FRMPD4: variants seen among roughly 807,000 people sequenced by gnomAD.
The protein encoded by FRMPD4 is FERM and PDZ domain-containing protein 4.
FRMPD4 carries 22 observed loss-of-function variants against 94.1 expected under a neutral mutation model. The ratio of observed to expected loss-of-function variants is 0.23; its 90% CI spans 0.17 to 0.33. The LOEUF (loss-of-function observed/expected upper bound fraction) is 0.33. Ranked by LOEUF, FRMPD4 falls within the 10% of genes least tolerant of loss-of-function variation. The pLI, the probability that FRMPD4 is intolerant of heterozygous loss-of-function variation, is 1.00. For missense variants in FRMPD4, 1,111 were observed against 1,339.9 expected (o/e 0.83, Z 2.67); for synonymous variants, 631 against 548.6 (o/e 1.15, Z -2.10).
chrX:12,015,839 G>C (rs1224540821), intron 3 of FRMPD4, among the ~76,000 whole-genome samples: 1 of 111,985 alleles, frequency 8.9e-6, no homozygotes, highest in Non-Finnish European at 1.9e-5. Flanking sequence ...TGAGGCAGCA[G>C]GCATGAGATG....
rs2147170448 is a variant in FRMPD4, at chrX:12,716,652, C to T, written c.2193C>T (p.Ile731=). 8.3e-7 allele frequency: 1 copy of T among 1,209,942 alleles called. No homozygotes were observed. Among genetic ancestry groups the T allele is most frequent in the Non-Finnish European group, 1.1e-6 (1 of 894,015 alleles). The change falls in exon 15 of 17, where the codon ATC becomes ATT. Residue 731 remains isoleucine, a synonymous_variant. Coordinates refer to ENST00000675598, the MANE Select transcript of FRMPD4 (RefSeq NM_001368397.1). Reference sequence around the variant, plus strand: ...AGAGCTTCCAGGCCGCGGAGGGGATCGAGGAACCCCTCTTGCATGACATCT... The same window carrying T: ...AGAGCTTCCAGGCCGCGGAGGGGATTGAGGAACCCCTCTTGCATGACATCT... ...DVKSFQAAEG[I]EEPLLHDICY...
chrX:12,193,752 C>CAGAAAGAAAGAAAGAAAGAA lies in FRMPD4; in HGVS notation c.41+54743_41+54762dup, dbSNP rs775933381. Among the ~76,000 whole-genome samples the CAGAAAGAAAGAAAGAAAGAA allele has an allele frequency of 3.0e-3, 50 of 16,491 alleles. 7 individuals are homozygous for CAGAAAGAAAGAAAGAAAGAA. The highest frequency in any genetic ancestry group is 0.014 in the African/African-American group (42 of 3,015). The allele number at this position is 16,491 out of a possible 115,157, so 14.3% of individuals were successfully genotyped here. ...AGGTCTGTGAATTATCCGAAAGAAA[C>CAGAAAGAAAGAAAGAAAGAA]AGAAAGAAAGAAAGAAAGAAAGGAA... On this transcript the variant is annotated intron_variant, in intron 1 of 16. Coordinates refer to ENST00000675598, the MANE Select transcript of FRMPD4 (RefSeq NM_001368397.1).
At chrX:12,388,274 ATCAAT>A (rs2056424963) in intron 1 of FRMPD4, among the ~76,000 whole-genome samples, 1 of 112,443 alleles carries the variant, frequency 8.9e-6, no homozygotes, top group Non-Finnish European at 1.9e-5. Context: ...GTTTTAAAAA[ATCAAT>A]TCAAATTTGT....
intron 3 of FRMPD4, among the ~76,000 whole-genome samples, chrX:12,025,768 A>T (rs984389502): frequency 2.7e-5 from 3 of 111,351 alleles, no homozygotes; most frequent in African/African-American, 9.8e-5. Context: ...AAAGGACTGG[A>T]CTCTGCCAAT....
At chrX:12,465,475 T>C (rs1319571576) in intron 1 of FRMPD4, among the ~76,000 whole-genome samples, 9 of 111,581 alleles carry the variant, frequency 8.1e-5, no homozygotes, top group Non-Finnish European at 1.3e-4. Flanking sequence ...CCAGATTTTC[T>C]TATACAACAG....
chrX:12,217,198 T>G (rs183702556), intron 1 of FRMPD4, among the ~76,000 whole-genome samples: 99 of 111,984 alleles, frequency 8.8e-4, no homozygotes, highest in African/African-American at 3.1e-3. Context: ...GCCACTGTCT[T>G]TCTTGGTTTT....
intron 4 of FRMPD4, among the ~76,000 whole-genome samples, chrX:12,630,655 C>A (rs1045342383): frequency 1.3e-4 from 15 of 111,918 alleles, no homozygotes; most frequent in African/African-American, 4.6e-4. Context: ...GTGATGGCTT[C>A]CATGACCCTT....
rs749209188 is a variant in FRMPD4 at position 12,641,341 on chromosome X, TAG to T, written c.422+26463_422+26464del. 3.0e-4 allele frequency among the ~76,000 whole-genome samples: 33 copies of T among 111,221 alleles called. No individual in the cohort carries two copies. The East Asian group carries it at 8.8e-3, about 30-fold the overall frequency. ...AGTTGTCCTATCAGAGGCAGAGGGA[TAG>T]AGTGTTTATAGTCGCCAGTTAAGAA... On this transcript the variant is annotated intron_variant, in intron 4 of 16. Transcript: ENST00000675598.
chrX:12,677,220 T>G (rs965803800), intron 5 of FRMPD4, among the ~76,000 whole-genome samples: 1 of 110,678 alleles, frequency 9.0e-6, no homozygotes, highest in Admixed American at 9.7e-5. Context: ...TCTCCAAACA[T>G]TACCAAATGT....
At chrX:12,176,371 C>T (rs1004544113) in intron 1 of FRMPD4, among the ~76,000 whole-genome samples, 1 of 111,652 alleles carries the variant, frequency 9.0e-6, no homozygotes, top group African/African-American at 3.3e-5. Flanking sequence ...CTGGCAATCA[C>T]AGAACATGTT....
chrX:11,847,401 T>C (rs1458976029), intron 1 of FRMPD4, among the ~76,000 whole-genome samples: 1 of 105,310 alleles, frequency 9.5e-6, no homozygotes, highest in Non-Finnish European at 1.9e-5. Flanking sequence ...GGAGAGGATG[T>C]GGAGAAATAG....
At chrX:12,213,270 G>T (rs969595082) in intron 1 of FRMPD4, among the ~76,000 whole-genome samples, 1 of 112,100 alleles carries the variant, frequency 8.9e-6, no homozygotes, top group South Asian at 3.7e-4. Context: ...TTGACACATA[G>T]TAGAGATTTA....
intron 3 of FRMPD4, among the ~76,000 whole-genome samples, chrX:12,015,465 G>A (rs1341736171): frequency 2.7e-5 from 3 of 110,960 alleles, no homozygotes; most frequent in Non-Finnish European, 5.7e-5. Flanking sequence ...TTCATTTTTC[G>A]ACTTACCAAA....
chrX:12,023,422 C>A (rs1167189804), intron 3 of FRMPD4, among the ~76,000 whole-genome samples: 4 of 111,803 alleles, frequency 3.6e-5, no homozygotes, highest in African/African-American at 1.3e-4. Context: ...GACATCTTAT[C>A]AATGAGTTTG....
intron 1 of FRMPD4, among the ~76,000 whole-genome samples, chrX:12,275,538 A>G (rs2054421959): frequency 9.1e-6 from 1 of 110,081 alleles, no homozygotes; most frequent in Admixed American, 9.8e-5. Flanking sequence ...GAAAGATAAC[A>G]TTTCCATGTG....
intron 3 of FRMPD4, among the ~76,000 whole-genome samples, chrX:11,943,598 G>A (rs1165160424): frequency 1.8e-5 from 2 of 110,684 alleles, no homozygotes; most frequent in African/African-American, 6.6e-5. Flanking sequence ...CCACTCCCAA[G>A]ATAACTACAT....
At chrX:11,919,640 G>A (rs937107747) in intron 3 of FRMPD4, among the ~76,000 whole-genome samples, 2 of 111,209 alleles carry the variant, frequency 1.8e-5, no homozygotes, top group Non-Finnish European at 3.8e-5. Flanking sequence ...AAGTTTTTGG[G>A]AAAAAGGCTC....
chrX:12,699,228 G>A (rs2060163492), intron 9 of FRMPD4, among the ~76,000 whole-genome samples: 1 of 111,640 alleles, frequency 9.0e-6, no homozygotes, highest in African/African-American at 3.3e-5. Flanking sequence ...GGAAATAACT[G>A]GTAAACCCAA....
At chrX:12,210,560 A>G (rs374368547) in intron 1 of FRMPD4, among the ~76,000 whole-genome samples, 22 of 111,659 alleles carry the variant, frequency 2.0e-4, no homozygotes, top group Admixed American at 8.6e-4. Flanking sequence ...CCAGACAGAA[A>G]GGATGAACAA....
Sources: gnomAD v4.1 joint callset for allele counts (sites outside exome capture counted in the v4.1 genomes callset) on GRCh38, gnomAD v4.1.1 for gene constraint, MANE v1.5 for transcripts, NCBI Gene and HGNC (gene_info 2026-07-23, HGNC 2026-07-21) for gene names.